Variants in CC2D2B observed in about 807,000 individuals in gnomAD.
The protein encoded by CC2D2B is coiled-coil and C2 domain containing 2B.
A neutral mutation model predicts 161.2 loss-of-function variants in CC2D2B; 128 were observed. The ratio of observed to expected loss-of-function variants is 0.79; its 90% CI spans 0.69 to 0.92. The LOEUF (loss-of-function observed/expected upper bound fraction) is 0.92. Among genes scored for constraint, CC2D2B ranks in the 40% least tolerant of loss-of-function variants. The pLI is 0.00. For synonymous variants in CC2D2B, 391 were observed against 449.8 expected (o/e 0.87, Z 1.65); for missense variants, 1,173 against 1,375.1 (o/e 0.85, Z 2.32).
chr10:95,908,355 A>C (rs948446481), intron 1 of CC2D2B, among the ~76,000 whole-genome samples: 5 of 152,206 alleles, frequency 3.3e-5, no homozygotes, highest in African/African-American at 9.7e-5. Flanking sequence ...CTTAGTCCTG[A>C]TCTTCACATT....
chr10:95,952,731 T>C (rs1197359344), intron 10 of CC2D2B, among the ~76,000 whole-genome samples: 1 of 152,172 alleles, frequency 6.6e-6, no homozygotes, highest in Non-Finnish European at 1.5e-5. Flanking sequence ...TATCACTATA[T>C]ATATATAAGT....
chr10:96,016,385 A>G (rs1160716341), intron 30 of CC2D2B, 71 bp downstream of exon 30: 1 of 1,020,576 alleles, frequency 9.8e-7, no homozygotes, highest in Non-Finnish European at 1.5e-6. Flanking sequence ...AGTTTAGAAG[A>G]CTTCAAACCC....
intron 19 of CC2D2B, among the ~76,000 whole-genome samples, chr10:95,987,469 G>A (rs940095040): frequency 3.9e-5 from 6 of 152,088 alleles, no homozygotes; most frequent in African/African-American, 7.2e-5. Context: ...ATGAGCATGC[G>A]TTGTTTCATG....
intron 19 of CC2D2B, among the ~76,000 whole-genome samples, chr10:95,987,901 G>A (rs2077796182): frequency 2.0e-5 from 3 of 152,078 alleles, no homozygotes; most frequent in Admixed American, 6.6e-5. Flanking sequence ...TCTTAACCAC[G>A]TATTTTGTTT....
intron 17 of CC2D2B, among the ~76,000 whole-genome samples, chr10:95,981,128 T>C (rs1298181434): frequency 1.3e-5 from 2 of 152,204 alleles, no homozygotes; most frequent in Admixed American, 6.5e-5. Context: ...GCACAGTGGC[T>C]CATGCCTGTA....
intron 15 of CC2D2B, among the ~76,000 whole-genome samples, chr10:95,970,666 A>T (rs1246552220): frequency 6.6e-6 from 1 of 152,206 alleles, no homozygotes. Flanking sequence ...CTGAGAATCC[A>T]TCCTACATAC....
intron 11 of CC2D2B, among the ~76,000 whole-genome samples, chr10:95,957,269 ATTG>A (rs748569495): frequency 5.9e-5 from 9 of 152,078 alleles, no homozygotes; most frequent in Non-Finnish European, 1.0e-4. Context: ...GGGGACCATT[ATTG>A]TTGTACTTTT....
chr10:95,911,265 A>G (rs11596697), intron 1 of CC2D2B, 36 bp from the exon 2 acceptor site: 21,103 of 229,344 alleles, frequency 0.092, 1,157 homozygotes, highest in Middle Eastern at 0.13. Context: ...TTTTCTTATG[A>G]TATGTCATTC....
intron 9 of CC2D2B, among the ~76,000 whole-genome samples, chr10:95,944,041 T>C (rs2141300106): frequency 6.6e-6 from 1 of 152,292 alleles, no homozygotes; most frequent in East Asian, 1.9e-4. Context: ...GTTTTTGTTT[T>C]GTTTTATTGG....
chr10:95,927,878 G>C (rs1739641665), intron 6 of CC2D2B, among the ~76,000 whole-genome samples: 1 of 151,326 alleles, frequency 6.6e-6, no homozygotes, highest in African/African-American at 2.4e-5. Context: ...GTTTCCCTGG[G>C]GTTGCCCTTT....
At chr10:95,993,938 GTGTGTATGTATGTGTATATATATA>G (rs1331377372) in intron 22 of CC2D2B, among the ~76,000 whole-genome samples, 4 of 38,326 alleles carry the variant, frequency 1.0e-4, no homozygotes, top group South Asian at 1.1e-3. Flanking sequence ...GTGTGTGTGT[GTGTGTATGTATGTGTATATATATA>G]TATATATATA....
chr10:95,914,754 T>C (rs961019214), intron 2 of CC2D2B, among the ~76,000 whole-genome samples: 7 of 152,200 alleles, frequency 4.6e-5, no homozygotes, highest in Non-Finnish European at 8.8e-5. Flanking sequence ...TGCGGAACTG[T>C]GAGTCAATTA....
At chr10:95,981,148 C>T (rs553662753) in intron 17 of CC2D2B, among the ~76,000 whole-genome samples, 5 of 152,254 alleles carry the variant, frequency 3.3e-5, no homozygotes, top group African/African-American at 9.6e-5. Context: ...AATCCCAGCA[C>T]TTTGGGAGGC....
At chr10:96,001,928 A>G (rs2078515553) in intron 24 of CC2D2B, among the ~76,000 whole-genome samples, 1 of 152,200 alleles carries the variant, frequency 6.6e-6, no homozygotes, top group Non-Finnish European at 1.5e-5. Context: ...TTATTGACTT[A>G]AAGGGAAATC....
chr10:95,955,302 G>T (rs1110124), intron 10 of CC2D2B, 92 bp from the exon 11 acceptor site: 225,040 of 394,892 alleles, frequency 0.57, 65,720 homozygotes, highest in Admixed American at 0.68. Context: ...ACATTTGTTC[G>T]GCTGCTGCAC....
chr10:95,927,736 A>T, intron 6 of CC2D2B, among the ~76,000 whole-genome samples: 1 of 148,940 alleles, frequency 6.7e-6, no homozygotes, highest in African/African-American at 2.5e-5. Context: ...ATCCTTTCCA[A>T]GGGCCCTACA....
At chr10:95,950,230 C>A (rs960969223) in intron 10 of CC2D2B, 125 bp downstream of exon 10, 2 of 395,332 alleles carry the variant, frequency 5.1e-6, no homozygotes, top group Admixed American at 4.4e-5. Context: ...ATTTCAGTTT[C>A]TCTGAAAAGA....
In CC2D2B at chr10:96,032,191, G is replaced by A. The variant is rs878997219; in HGVS notation, c.*183G>A. 14 of 548,624 alleles carry A rather than the reference G, an allele frequency of 2.6e-5. 2 individuals are homozygous for A. The South Asian group carries it at 3.2e-4, about 13-fold the overall frequency. The allele number at this position is 548,624 out of a possible 1,614,324, so 34.0% of individuals were successfully genotyped here. ...CACCCCTGAGTGAGTCTTTGAGGAG[G>A]AGTCTAGATGAGCTTCTCACCAGAG... On this transcript the variant is annotated 3_prime_UTR_variant, in exon 35 of 35. Transcript: ENST00000646931.
chr10:95,980,000 C>A (rs1052644613), intron 17 of CC2D2B, among the ~76,000 whole-genome samples: 2 of 152,206 alleles, frequency 1.3e-5, no homozygotes, highest in Non-Finnish European at 2.9e-5. Flanking sequence ...TTAAAGCTCG[C>A]CTCTTTCTTG....
Sources: allele counts gnomAD v4.1 joint callset (sites outside exome capture counted in the v4.1 genomes callset), GRCh38; gene constraint gnomAD v4.1.1; transcripts MANE v1.5; gene names NCBI Gene and HGNC (gene_info 2026-07-23, HGNC 2026-07-21).